Variants in DOK6 observed in about 807,000 individuals in gnomAD.
DOK6 encodes docking protein 6.
DOK6 carries 22 observed loss-of-function variants against 44.0 expected under a neutral mutation model. The observed-to-expected ratio is 0.50, with a 90% CI of 0.36 to 0.71. DOK6 has a LOEUF of 0.71. Ranked by LOEUF, DOK6 falls within the 30% of genes least tolerant of loss-of-function variation. DOK6 has a pLI of 0.00. For missense variants in DOK6, 340 were observed against 416.4 expected (o/e 0.82, Z 1.60); for synonymous variants, 166 against 145.5 (o/e 1.14, Z -1.01).
At chr18:69,822,751 T>G (rs1461511694) in intron 7 of DOK6, among the ~76,000 whole-genome samples, 11 of 152,216 alleles carry the variant, frequency 7.2e-5, no homozygotes, top group Admixed American at 7.2e-4. Flanking sequence ...GAGAACAGTC[T>G]ATCAAAAAAC....
intron 4 of DOK6, among the ~76,000 whole-genome samples, chr18:69,678,753 A>G (rs1985980522): frequency 6.6e-6 from 1 of 152,252 alleles, no homozygotes; most frequent in Non-Finnish European, 1.5e-5. Flanking sequence ...GAGCTCATTT[A>G]TAAAAATATG....
chr18:69,783,489 C>T (rs534239655), intron 7 of DOK6, among the ~76,000 whole-genome samples: 1 of 152,234 alleles, frequency 6.6e-6, no homozygotes, highest in African/African-American at 2.4e-5. Context: ...TTTAACGTTA[C>T]ATTGGTGTTT....
intron 5 of DOK6, among the ~76,000 whole-genome samples, chr18:69,730,304 A>G (rs75778987): frequency 0.012 from 1,848 of 152,262 alleles, 40 homozygotes; most frequent in African/African-American, 0.042. Flanking sequence ...TTTTCAGGGG[A>G]TAAGTCTAGT....
chr18:69,796,583 A>G (rs1980751434), intron 7 of DOK6, among the ~76,000 whole-genome samples: 1 of 152,182 alleles, frequency 6.6e-6, no homozygotes, highest in African/African-American at 2.4e-5. Flanking sequence ...GCACACATCA[A>G]TTTCAAAAAA....
At chr18:69,410,538 A>G (rs1978301588) in intron 1 of DOK6, among the ~76,000 whole-genome samples, 1 of 152,232 alleles carries the variant, frequency 6.6e-6, no homozygotes, top group African/African-American at 2.4e-5. Context: ...TAATTTCCTG[A>G]CAGTCCATAA....
At chr18:69,697,574 G>T (rs1986416573) in intron 4 of DOK6, among the ~76,000 whole-genome samples, 1 of 151,882 alleles carries the variant, frequency 6.6e-6, no homozygotes, top group Non-Finnish European at 1.5e-5. Flanking sequence ...ATGTTGTAAG[G>T]CATACCAAGT....
At chr18:69,507,508 T>C (rs1228944863) in intron 1 of DOK6, among the ~76,000 whole-genome samples, 4 of 152,142 alleles carry the variant, frequency 2.6e-5, no homozygotes, top group African/African-American at 9.7e-5. Flanking sequence ...TGCTGCTGAG[T>C]CTTCTAAAAT....
chr18:69,722,487 A>G (rs543474031), intron 5 of DOK6, among the ~76,000 whole-genome samples: 1 of 152,304 alleles, frequency 6.6e-6, no homozygotes, highest in East Asian at 1.9e-4. Flanking sequence ...TGCCTGTCTC[A>G]GAGAGGCTTG....
intron 1 of DOK6, among the ~76,000 whole-genome samples, chr18:69,455,090 T>C (rs1255938491): frequency 7.5e-6 from 1 of 133,066 alleles, no homozygotes; most frequent in African/African-American, 2.8e-5. Context: ...GAAAAGAAAA[T>C]AGCTGTGGAA....
chr18:69,603,767 T>C (rs991953935), intron 3 of DOK6, among the ~76,000 whole-genome samples: 1 of 62,438 alleles, frequency 1.6e-5, no homozygotes, highest in Non-Finnish European at 2.9e-5. Context: ...CGAGACTCCG[T>C]CTCAAAAAAA....
chr18:69,774,346 G>A (rs1184338120), intron 7 of DOK6, among the ~76,000 whole-genome samples: 2 of 151,216 alleles, frequency 1.3e-5, no homozygotes, highest in Non-Finnish European at 3.0e-5. Context: ...GGACTTTGGG[G>A]ACTCAGGGGA....
intron 1 of DOK6, among the ~76,000 whole-genome samples, chr18:69,449,788 C>T (rs1568261802): frequency 1.3e-5 from 2 of 151,578 alleles, no homozygotes; most frequent in African/African-American, 4.8e-5. Context: ...AGGCACCCCC[C>T]AGCAGGGGCA....
rs3044887 is a variant in DOK6 at position 69,485,881 on chromosome 18, ATG to A, written c.67-78582_67-78581del. 1.8e-3 allele frequency among the ~76,000 whole-genome samples: 269 copies of A among 147,188 alleles called. 1 individual carries two copies. The highest frequency in any genetic ancestry group is 4.3e-3 in the African/African-American group (172 of 40,074). ...ATCCATATATATAGTATACGTATAT[ATG>A]TGTGTGTGTGTGTGTGTGTGTGTAT... is the stretch of plus-strand genomic sequence containing the variant. On this transcript the variant is annotated intron_variant, in intron 1 of 7. Coordinates refer to ENST00000382713, the MANE Select transcript of DOK6 (RefSeq NM_152721.6).
At position 69,660,019 on chromosome 18, in the gene DOK6, A is replaced by G. The variant is rs1044827453; in HGVS notation, c.290-17715A>G. On this transcript the variant is annotated intron_variant, in intron 3 of 7. Transcript: ENST00000382713. Reference sequence around the variant, plus strand: ...AAACCTAGTCACTCTACTGATGCAAATGATTTGGGGGTGTCTTCCTAGCTT... The same window carrying G: ...AAACCTAGTCACTCTACTGATGCAAGTGATTTGGGGGTGTCTTCCTAGCTT... 1.5e-4 allele frequency: 23 copies of G among 150,352 alleles called. No homozygotes were observed. In the South Asian group the frequency reaches 4.6e-3, roughly 30 times the overall value. 9.3% of individuals were successfully genotyped at this position (150,352 alleles called of 1,614,324 possible).
At chr18:69,518,443 G>A (rs1981592800) in intron 1 of DOK6, among the ~76,000 whole-genome samples, 1 of 151,812 alleles carries the variant, frequency 6.6e-6, no homozygotes, top group Non-Finnish European at 1.5e-5. Flanking sequence ...CCTTCTTATG[G>A]TCAGTTATAA....
At chr18:69,838,549 G>A (rs1982116163) in intron 7 of DOK6, among the ~76,000 whole-genome samples, 4 of 152,056 alleles carry the variant, frequency 2.6e-5, no homozygotes. Flanking sequence ...CACTTAGCAT[G>A]GATTAACTCA....
At chr18:69,530,287 A>G (rs749023801) in intron 1 of DOK6, among the ~76,000 whole-genome samples, 5 of 152,130 alleles carry the variant, frequency 3.3e-5, no homozygotes, top group Admixed American at 6.5e-5. Context: ...GTAGAACTTT[A>G]TATTGCAGGC....
chr18:69,840,644 G>A (rs1030617701), intron 7 of DOK6, among the ~76,000 whole-genome samples: 2 of 152,142 alleles, frequency 1.3e-5, no homozygotes, highest in African/African-American at 4.8e-5. Flanking sequence ...GGTAGCCATC[G>A]AGCTTAATTG....
intron 6 of DOK6, among the ~76,000 whole-genome samples, chr18:69,749,096 A>G (rs536071423): frequency 9.7e-4 from 147 of 152,184 alleles, no homozygotes; most frequent in African/African-American, 3.4e-3. Context: ...GCGAGTGGGA[A>G]CTGAACAATG....
Sources: allele counts gnomAD v4.1 joint callset (sites outside exome capture counted in the v4.1 genomes callset), GRCh38; gene constraint gnomAD v4.1.1; transcripts MANE v1.5; gene names NCBI Gene and HGNC (gene_info 2026-07-23, HGNC 2026-07-21).